Variants in TACC2 observed in about 807,000 individuals in gnomAD.
TACC2 encodes the protein transforming acidic coiled-coil-containing protein 2.
TACC2 carries 137 observed loss-of-function variants against 227.3 expected under a neutral mutation model. The ratio of observed to expected loss-of-function variants is 0.60; its 90% CI spans 0.52 to 0.69. The LOEUF (loss-of-function observed/expected upper bound fraction) is 0.69. TACC2 is among the 30% of genes least tolerant of loss of function. TACC2 has a pLI of 0.00. For synonymous variants in TACC2, 1,523 were observed against 1,487.5 expected (o/e 1.02, Z -0.55); for missense variants, 3,470 against 3,694.4 (o/e 0.94, Z 1.57).
chr10:122,152,705 A>G (rs2092164882), intron 7 of TACC2, among the ~76,000 whole-genome samples: 1 of 152,152 alleles, frequency 6.6e-6, no homozygotes. Context: ...ATCTGTCCAG[A>G]CTGACGTAGT....
chr10:122,230,476 AATGTC>A (rs1318332682), intron 16 of TACC2, 36 bp downstream of exon 16: 3 of 1,586,018 alleles, frequency 1.9e-6, no homozygotes, highest in Non-Finnish European at 2.6e-6. Flanking sequence ...ACCTCCTGAG[AATGTC>A]ATGTGTGCCG....
chr10:122,229,832 T>C (rs113034834), intron 15 of TACC2, among the ~76,000 whole-genome samples: 110 of 152,326 alleles, frequency 7.2e-4, no homozygotes, highest in African/African-American at 2.2e-3. Flanking sequence ...CGTTTATATA[T>C]ACGTGGCTAT....
chr10:122,167,553 C>T (rs918350365), intron 7 of TACC2, among the ~76,000 whole-genome samples: 1 of 152,150 alleles, frequency 6.6e-6, no homozygotes, highest in Admixed American at 6.5e-5. Context: ...ATCTCGGGTA[C>T]CACCGCAGTA....
Position 122,171,178 on chromosome 10 carries a change from G to A in TACC2, c.5835-23862G>A, listed in dbSNP as rs559210700. On this transcript the variant is annotated intron_variant, in intron 7 of 22. Transcript: ENST00000369005. The stretch of plus-strand genomic sequence containing the variant: ...TCCGGTGGGGGTGGTGGGCCTCCCC[G>A]CAGGTTTTGTACCTGTCTGCCTCCT... 8.1e-4 allele frequency among the ~76,000 whole-genome samples: 124 copies of A among 152,292 alleles called. 1 individual carries two copies. The South Asian group carries it at 0.025, about 30-fold the overall frequency.
In TACC2 at chr10:122,053,472, G is replaced by A. The variant is rs80116175; in HGVS notation, c.146+2922G>A. ...TTATCACCCAGGGCAGCCATCCTTG[G>A]GACTTCTCTCTCCAGAGCCTGGTGC... On this transcript the variant is annotated intron_variant, in intron 3 of 22. Coordinates refer to ENST00000369005, the MANE Select transcript of TACC2 (RefSeq NM_206862.4). Among the ~76,000 whole-genome samples the A allele has an allele frequency of 6.7e-3, 1,013 of 152,092 alleles. 8 individuals carry two copies. Among genetic ancestry groups the A allele is most frequent in the African/African-American group, 0.02 (839 of 41,466 alleles).
At chr10:122,175,343 GTGGGAAAGGATACATTGGTTAATA>G (rs1283491621) in intron 7 of TACC2, among the ~76,000 whole-genome samples, 18 of 152,204 alleles carry the variant, frequency 1.2e-4, no homozygotes, top group Non-Finnish European at 2.2e-4. Flanking sequence ...ATTAGTTAAT[GTGGGAAAGGATACATTGGTTAATA>G]TGGGAAAGGA....
intron 3 of TACC2, among the ~76,000 whole-genome samples, chr10:122,081,669 C>T (rs1322617070): frequency 6.6e-6 from 1 of 152,156 alleles, no homozygotes; most frequent in Non-Finnish European, 1.5e-5. Flanking sequence ...CCAAGTTCCC[C>T]CAAGTTCCCT....
chr10:121,996,826 A>C (rs560887931), intron 1 of TACC2, among the ~76,000 whole-genome samples: 1 of 152,266 alleles, frequency 6.6e-6, no homozygotes, highest in East Asian at 1.9e-4. Context: ...CAGTTGGTGC[A>C]GGAGTGAGAC....
At chr10:122,117,191 C>CTTTTTTT (rs71482688) in intron 5 of TACC2, among the ~76,000 whole-genome samples, 4 of 129,816 alleles carry the variant, frequency 3.1e-5, no homozygotes, top group Admixed American at 8.2e-5. Context: ...TCTTAGAAAT[C>CTTTTTTT]TTTTTTTTTT....
intron 5 of TACC2, among the ~76,000 whole-genome samples, chr10:122,106,288 CCT>C (rs1433904271): frequency 3.3e-5 from 5 of 152,064 alleles, no homozygotes. Context: ...GCGCCCGGCC[CCT>C]GTCTTAAACA....
At chr10:122,078,419 C>T in intron 3 of TACC2, among the ~76,000 whole-genome samples, 1 of 152,050 alleles carries the variant, frequency 6.6e-6, no homozygotes, top group East Asian at 1.9e-4. Flanking sequence ...ATTTAAGAAC[C>T]CATCTGCATC....
intron 2 of TACC2, among the ~76,000 whole-genome samples, chr10:122,028,084 C>CTTTTTTTTTTTTTTTTTTTTTTTTATTT (rs59135261): frequency 1.1e-5 from 1 of 91,744 alleles, no homozygotes; most frequent in Non-Finnish European, 2.0e-5. Context: ...TTCTTTCTTT[C>CTTTTTTTTTTTTTTTTTTTTTTTTATTT]TTTTTTTTTT....
At chr10:122,188,294 T>A (rs779819283) in intron 7 of TACC2, among the ~76,000 whole-genome samples, 3 of 152,082 alleles carry the variant, frequency 2.0e-5, no homozygotes, top group South Asian at 2.1e-4. Flanking sequence ...TTATTTATTT[T>A]TTTGAGATAG....
rs116907408 is a variant in TACC2, at chr10:122,087,663, C to T, written c.5163C>T (p.Ser1721=). Reference sequence around the variant, plus strand: ...CAGCTGAGACACAGGCATGTGCGTCCGGTGATCTGCCTGAAGCAGGTACTA... The same window carrying T: ...CAGCTGAGACACAGGCATGTGCGTCTGGTGATCTGCCTGAAGCAGGTACTA... ...LSTAETQACA[S]GDLPEAGTTR... The change falls in exon 4 of 23, where the codon TCC becomes TCT. Residue 1721 remains serine (S), a synonymous_variant. Transcript: ENST00000369005. 4,738 of 1,613,354 alleles carry T rather than the reference C, an allele frequency of 2.9e-3. 14 individuals carry two copies. Among genetic ancestry groups the T allele is most frequent in the Non-Finnish European group, 3.5e-3 (4,156 of 1,179,978 alleles).
At chr10:122,182,051 C>T (rs2093987266) in intron 7 of TACC2, among the ~76,000 whole-genome samples, 1 of 152,208 alleles carries the variant, frequency 6.6e-6, no homozygotes, top group African/African-American at 2.4e-5. Flanking sequence ...CTCCATCCCA[C>T]ATCTGGGTTT....
chr10:122,129,060 A>T (rs7475101), intron 5 of TACC2, among the ~76,000 whole-genome samples: 8,338 of 128,538 alleles, frequency 0.065, 368 homozygotes, highest in South Asian at 0.089. Flanking sequence ...ATCTTATTTT[A>T]ATTATTATTA....
chr10:122,034,657 C>T (rs962778909), intron 2 of TACC2, among the ~76,000 whole-genome samples: 2 of 152,110 alleles, frequency 1.3e-5, no homozygotes, highest in Admixed American at 6.6e-5. Flanking sequence ...TGGGGCCGGG[C>T]GCAGTGGCTC....
intron 5 of TACC2, among the ~76,000 whole-genome samples, chr10:122,123,812 T>A (rs2086300239): frequency 3.4e-5 from 1 of 29,682 alleles, no homozygotes; most frequent in Admixed American, 5.5e-4. Context: ...TAGAGTCATT[T>A]TTTTTTTTTT....
intron 5 of TACC2, among the ~76,000 whole-genome samples, chr10:122,100,239 G>A (rs1442329569): frequency 6.6e-6 from 1 of 151,268 alleles, no homozygotes; most frequent in African/African-American, 2.4e-5. Context: ...ACTCCAGCCT[G>A]GGCAACAGAG....
Sources: allele counts gnomAD v4.1 joint callset (sites outside exome capture counted in the v4.1 genomes callset), GRCh38; gene constraint gnomAD v4.1.1; transcripts MANE v1.5; gene names NCBI Gene and HGNC (gene_info 2026-07-23, HGNC 2026-07-21).